NTS: variants seen among roughly 807,000 people sequenced by gnomAD.
NTS encodes neurotensin/neuromedin N.
A neutral mutation model predicts 19.5 loss-of-function variants in NTS; 20 were observed. That is an observed-to-expected ratio of 1.02 (90% CI 0.72 to 1.49). The LOEUF (loss-of-function observed/expected upper bound fraction) is 1.49, where lower values mean the gene tolerates loss of function less well. Among genes scored for constraint, NTS ranks in the 40% most tolerant of loss-of-function variants. NTS has a pLI of 0.00. For synonymous variants in NTS, 71 were observed against 63.3 expected, an observed-to-expected ratio of 1.12 and a Z score of -0.58; for missense variants, 215 against 193.1, an observed-to-expected ratio of 1.11 and a Z score of -0.67.
At chr12:85,879,160 G>A (rs185201206) in intron 3 of NTS, among the ~76,000 whole-genome samples, 15 of 81,102 alleles carry the variant, frequency 1.8e-4, no homozygotes, top group African/African-American at 9.2e-4. Flanking sequence ...ATATTTTTAT[G>A]TATATTTTAT....
rs915883130 is a variant in NTS at position 85,882,818 on chromosome 12, C to G, written c.*443C>G. The G allele has an allele frequency of 6.6e-6, 1 of 152,118 alleles. No individual in the cohort carries two copies. The highest frequency in any genetic ancestry group is 1.5e-5 in the Non-Finnish European group (1 of 68,028). 9.4% of individuals were successfully genotyped at this position (152,118 alleles called of 1,614,324 possible). A position where few individuals can be genotyped will look rare whatever the true frequency, so the allele number is the denominator to read the frequency against. On this transcript the variant is annotated 3_prime_UTR_variant, in exon 4 of 4. Transcript: ENST00000256010. ...GAAACATACGTTCTTTTCAAGACTT[C>G]CTCATGAATCTCTCAATTATAGGAA...
In NTS at chr12:85,874,307, C is replaced by T. The variant is rs1292810091; in HGVS notation, c.-97C>T. ...CAGAGCACCTCTCATAGTTCACTCA[C>T]TTTCAAAGCCAGCTGAAGGAAAGAG... On this transcript the variant is annotated 5_prime_UTR_variant, in exon 1 of 4. Coordinates refer to ENST00000256010, the MANE Select transcript of NTS (RefSeq NM_006183.5). 30 of 841,324 alleles carry T rather than the reference C, an allele frequency of 3.6e-5. No individual in the cohort carries two copies. Among genetic ancestry groups the T allele is most frequent in the Admixed American group, 7.1e-5 (4 of 55,960 alleles). 52.1% of individuals were successfully genotyped at this position (841,324 alleles called of 1,614,324 possible).
chr12:85,880,593 GA>G (rs1457574304), intron 3 of NTS, among the ~76,000 whole-genome samples: 2 of 152,128 alleles, frequency 1.3e-5, no homozygotes, highest in South Asian at 2.1e-4. Context: ...ACAAAAAACT[GA>G]AAAGACCAGT....
At chr12:85,877,485 T>C (rs1592549263) in intron 2 of NTS, among the ~76,000 whole-genome samples, 2 of 151,838 alleles carry the variant, frequency 1.3e-5, no homozygotes, top group East Asian at 1.9e-4. Context: ...TGAAAGCCAG[T>C]TTTTAAAATT....
At chr12:85,880,993 A>G (rs1440098558) in intron 3 of NTS, among the ~76,000 whole-genome samples, 1 of 152,124 alleles carries the variant, frequency 6.6e-6, no homozygotes, top group African/African-American at 2.4e-5. Flanking sequence ...AAACTTGAAA[A>G]ATACATATTT....
rs773949754 is a variant in NTS at position 85,878,524 on chromosome 12, C to A, written c.315C>A (p.Tyr105Ter). The change falls in exon 3 of 4, where the codon TAC becomes TAA. Residue 105 changes from tyrosine (Y) to a stop codon, truncating the protein, a stop_gained. Transcript: ENST00000256010. LOFTEE classifies it high-confidence loss of function. ...GFSLEAMLTI[Y>*]QLHKICHSRA... Reference sequence around the variant, plus strand: ...GCTTGGAAGCAATGTTGACAATATACCAGCTCCACAAAATCTGTCACAGCA... The same window carrying A: ...GCTTGGAAGCAATGTTGACAATATAACAGCTCCACAAAATCTGTCACAGCA... 20 of 1,613,242 alleles carry A rather than the reference C, an allele frequency of 1.2e-5. No homozygotes were observed. The highest frequency in any genetic ancestry group is 1.7e-5 in the Non-Finnish European group (20 of 1,179,636).
chr12:85,875,578 C>A (rs1881323414), intron 1 of NTS, among the ~76,000 whole-genome samples: 1 of 151,900 alleles, frequency 6.6e-6, no homozygotes. Context: ...AAAAAACAAA[C>A]TTTTCTATAA....
Position 85,878,363 on chromosome 12 carries a change from C to T in NTS, c.154C>T (p.Pro52Ser). The change falls in exon 3 of 4, where the codon CCC becomes TCC. Residue 52 changes from proline (P) to serine (S), a missense_variant. By Grantham distance (74) the Pro-to-Ser change is moderately conservative. Coordinates refer to ENST00000256010, the MANE Select transcript of NTS (RefSeq NM_006183.5). ...HTSKISKAHV[P>S]SWKMTLLNVC... ...ATTTCAGATTAGTAAAGCACATGTT[C>T]CCTCTTGGAAGATGACTCTGCTAAA... The T allele has an allele frequency of 6.2e-7, 1 of 1,601,752 alleles. No homozygotes were observed. The highest frequency in any genetic ancestry group is 8.5e-7 in the Non-Finnish European group (1 of 1,173,180).
At chr12:85,875,870 A>G (rs998827257) in intron 1 of NTS, among the ~76,000 whole-genome samples, 2 of 151,972 alleles carry the variant, frequency 1.3e-5, no homozygotes, top group African/African-American at 2.4e-5. Context: ...GTGTAGTACA[A>G]GGAAGATAGA....
chr12:85,881,859 A>G (rs1366320541), intron 3 of NTS, among the ~76,000 whole-genome samples: 2 of 152,062 alleles, frequency 1.3e-5, no homozygotes, highest in Admixed American at 6.6e-5. Flanking sequence ...TGGTGTTTCC[A>G]TCATAAATTG....
In NTS at chr12:85,878,455, G is replaced by A. The variant is rs1184795894; in HGVS notation, c.246G>A (p.Glu82=). The A allele has an allele frequency of 1.9e-6, 3 of 1,613,830 alleles. No individual in the cohort carries two copies. Among genetic ancestry groups the A allele is most frequent in the South Asian group, 1.1e-5 (1 of 91,072 alleles). The part of the protein sequence containing the change: ...AEETGEVHEE[E]LVARRKLPTA... ...AAACAGGAGAAGTTCATGAAGAGGA[G>A]CTTGTTGCAAGAAGGAAACTTCCTA... The change falls in exon 3 of 4, where the codon GAG becomes GAA. Residue 82 remains glutamate (E), a synonymous_variant. Coordinates refer to ENST00000256010, the MANE Select transcript of NTS (RefSeq NM_006183.5).
At chr12:85,877,108 T>C (rs1361048915) in intron 2 of NTS, among the ~76,000 whole-genome samples, 1 of 152,060 alleles carries the variant, frequency 6.6e-6, no homozygotes, top group Admixed American at 6.6e-5. Flanking sequence ...GAAATAAAAG[T>C]TCATGACAAC....
At chr12:85,882,114 T>A (rs1279931809) in intron 3 of NTS, 109 bp from the exon 4 acceptor site, 1 of 834,240 alleles carries the variant, frequency 1.2e-6, no homozygotes. Flanking sequence ...GTATCTCACC[T>A]ACATATGTCT....
In NTS at chr12:85,874,465, G is replaced by A. The variant is rs1229568683; in HGVS notation, c.62G>A (p.Ser21Asn). The A allele has an allele frequency of 6.2e-7, 1 of 1,612,126 alleles. No individual in the cohort carries two copies. The highest frequency in any genetic ancestry group is 1.7e-5 in the Admixed American group (1 of 60,002). The change falls in exon 1 of 4, where the codon AGT becomes AAT. Residue 21 changes from serine to asparagine, a missense_variant. Physicochemically the swap from Ser to Asn is conservative, Grantham distance 46. Coordinates refer to ENST00000256010, the MANE Select transcript of NTS (RefSeq NM_006183.5). Reference sequence around the variant, plus strand: ...CTACTCCTGGCTTTCAGCTCCTGGAGTCTGTGCTCAGGTAAGCAAAACAGA... The same window carrying A: ...CTACTCCTGGCTTTCAGCTCCTGGAATCTGTGCTCAGGTAAGCAAAACAGA... ...CMLLLAFSSW[S>N]LCSDSEEEMK... is the part of the protein sequence containing the mutation.
chr12:85,876,724 C>G (rs748616923), intron 2 of NTS, 23 bp downstream of exon 2: 1 of 1,341,998 alleles, frequency 7.5e-7, no homozygotes, highest in Middle Eastern at 1.9e-4. Context: ...TTTCTTTAAC[C>G]CTGAGTTGAA....
At chr12:85,876,814 A>G in intron 2 of NTS, 113 bp downstream of exon 2, 1 of 540,792 alleles carries the variant, frequency 1.8e-6, no homozygotes, top group Non-Finnish European at 3.1e-6. Context: ...AAGTTCCTTG[A>G]GAGGCATTTC....
At chr12:85,879,536 ATATATTTTTTG>A (rs1269434273) in intron 3 of NTS, among the ~76,000 whole-genome samples, 3 of 111,408 alleles carry the variant, frequency 2.7e-5, no homozygotes, top group South Asian at 2.5e-4. Flanking sequence ...TGTATATAAA[ATATATTTTTTG>A]TATATTTTAT....
chr12:85,882,536 T>C lies in NTS; in HGVS notation c.*161T>C, dbSNP rs1881525678. The C allele has an allele frequency of 1.8e-6, 1 of 553,860 alleles. No homozygotes were observed. Among genetic ancestry groups the C allele is most frequent in the African/African-American group, 2.0e-5 (1 of 50,866 alleles). The allele number at this position is 553,860 out of a possible 1,614,324, so 34.3% of individuals were successfully genotyped here. On this transcript the variant is annotated 3_prime_UTR_variant, in exon 4 of 4. Transcript: ENST00000256010. ...CTGCACTAATATAAATTAGACTAAG[T>C]GTTTTCAAATAAATCTAAATCTTCA...
Position 85,882,379 on chromosome 12 carries a change from A to T in NTS, c.*4A>T. The stretch of plus-strand genomic sequence containing the variant: ...AAGAGATTCTTACTATTACTGAGAG[A>T]ATAAATCATTTATTTACATGTGATT... On this transcript the variant is annotated 3_prime_UTR_variant, in exon 4 of 4. Coordinates refer to ENST00000256010, the MANE Select transcript of NTS (RefSeq NM_006183.5). 3.9e-6 allele frequency: 6 copies of T among 1,537,094 alleles called. No homozygotes were observed. Among genetic ancestry groups the T allele is most frequent in the Non-Finnish European group, 5.2e-6 (6 of 1,144,714 alleles).
Sources: gnomAD v4.1 joint callset for allele counts (sites outside exome capture counted in the v4.1 genomes callset) on GRCh38, gnomAD v4.1.1 for gene constraint, MANE v1.5 for transcripts, NCBI Gene and HGNC (gene_info 2026-07-23, HGNC 2026-07-21) for gene names.